SEC24A: variants seen among roughly 807,000 people sequenced by gnomAD.
SEC24A encodes the protein SEC24 homolog A, COPII component.
A neutral mutation model predicts 129.4 loss-of-function variants in SEC24A; 93 were observed. The observed-to-expected ratio is 0.72, with a 90% confidence interval of 0.61 to 0.85. The LOEUF (loss-of-function observed/expected upper bound fraction) is 0.85, where lower values mean the gene tolerates loss of function less well. Among genes scored for constraint, SEC24A ranks in the 40% least tolerant of loss-of-function variants. The probability of loss-of-function intolerance (pLI) is 0.00; values close to 1 mark genes in which losing one functional copy is unlikely to be tolerated. For synonymous variants in SEC24A, 460 were observed against 467.3 expected (o/e 0.98, Z 0.20); for missense variants, 1,264 against 1,307.4 (o/e 0.97, Z 0.51).
At chr5:134,700,007 C>G (rs1751954648) in intron 15 of SEC24A, among the ~76,000 whole-genome samples, 1 of 151,226 alleles carries the variant, frequency 6.6e-6, no homozygotes, top group African/African-American at 2.4e-5. Flanking sequence ...AGCCTGTACT[C>G]TTATTTTTAG....
In SEC24A at chr5:134,692,585, T is replaced by C. The variant is rs779644072; in HGVS notation, c.1724-17T>C. 4 of 1,148,490 alleles carry C rather than the reference T, an allele frequency of 3.5e-6. No individual in the cohort carries two copies. The highest frequency in any genetic ancestry group is 4.7e-5 in the East Asian group (2 of 42,652). 71.1% of individuals were successfully genotyped at this position (1,148,490 alleles called of 1,614,324 possible). A position where few individuals can be genotyped will look rare whatever the true frequency, so the allele number is the denominator to read the frequency against. On this transcript the variant is annotated splice_polypyrimidine_tract_variant and intron_variant, in intron 11 of 22. Transcript: ENST00000398844. ...TATTACATTTTGTTTAAAATAAATA[T>C]GTATTTCTTCTTTCAGATGTTTTTA...
At chr5:134,663,160 A>G (rs1020868012) in intron 2 of SEC24A, among the ~76,000 whole-genome samples, 15 of 152,126 alleles carry the variant, frequency 9.9e-5, no homozygotes, top group South Asian at 8.3e-4. Context: ...TCCTAGTGTC[A>G]TCAAACTGCT....
At chr5:134,720,030 G>C (rs1004063867) in intron 20 of SEC24A, among the ~76,000 whole-genome samples, 4 of 152,280 alleles carry the variant, frequency 2.6e-5, no homozygotes, top group African/African-American at 9.6e-5. Context: ...AGTAAACTAC[G>C]ATTAATTATT....
At chr5:134,720,092 T>C (rs1376344827) in intron 20 of SEC24A, among the ~76,000 whole-genome samples, 1 of 152,254 alleles carries the variant, frequency 6.6e-6, no homozygotes, top group Admixed American at 6.5e-5. Context: ...TGTACAGTGT[T>C]TGTAAAGTTT....
intron 18 of SEC24A, among the ~76,000 whole-genome samples, chr5:134,709,826 G>C (rs968180718): frequency 4.0e-5 from 6 of 151,556 alleles, no homozygotes; most frequent in Admixed American, 6.6e-5. Flanking sequence ...AAAAAGAAGA[G>C]ACCATACATG....
In SEC24A at chr5:134,700,743, A is replaced by C. The variant is rs1434322240; in HGVS notation, c.2266+2686A>C. ...ACTTTATTTTTTTTTTTCTGAGACC[A>C]CATCTTGCTCTTTTGTCCAGGCTGG... On this transcript the variant is annotated intron_variant, in intron 15 of 22. Coordinates refer to ENST00000398844, the MANE Select transcript of SEC24A (RefSeq NM_021982.3). Among the ~76,000 whole-genome samples the C allele has an allele frequency of 2.0e-5, 3 of 150,116 alleles. No individual in the cohort carries two copies. The East Asian group carries it at 5.8e-4, about 29-fold the overall frequency.
intron 14 of SEC24A, 130 bp downstream of exon 14, chr5:134,697,376 A>G (rs1375820334): frequency 1.4e-6 from 1 of 731,644 alleles, no homozygotes; most frequent in African/African-American, 1.7e-5. Flanking sequence ...CAGTCAGTTT[A>G]GTCTATTAAA....
At chr5:134,709,612 TG>T (rs1459908795) in intron 18 of SEC24A, among the ~76,000 whole-genome samples, 1 of 152,058 alleles carries the variant, frequency 6.6e-6, no homozygotes, top group Non-Finnish European at 1.5e-5. Flanking sequence ...AGAGGCTGGG[TG>T]GTGGGGCAGG....
At chr5:134,720,869 T>C (rs1316075709) in intron 20 of SEC24A, 129 bp from the exon 21 acceptor site, 2 of 529,060 alleles carry the variant, frequency 3.8e-6, no homozygotes, top group East Asian at 3.4e-5. Context: ...ACCACTGCAC[T>C]CCAGCCTGGG....
chr5:134,697,949 C>A lies in SEC24A; in HGVS notation c.2158C>A (p.His720Asn). The part of the protein sequence containing the change: ...AGSVYYYPSY[H>N]HQHNPVQVQK... ...TAGTGTCTATTACTATCCCTCTTAC[C>A]ATCATCAGCACAACCCAGTCCAAGT... The change falls in exon 15 of 23, where the codon CAT (histidine) becomes AAT (asparagine). Residue 720 changes from histidine (H) to asparagine (N), a missense_variant. Transcript: ENST00000398844. The A allele has an allele frequency of 6.2e-7, 1 of 1,613,772 alleles. No individual in the cohort carries two copies.
rs187791429 is a variant in SEC24A, at chr5:134,671,750, C to G, written c.740-59C>G. 31 of 1,043,784 alleles carry G rather than the reference C, an allele frequency of 3.0e-5. No homozygotes were observed. The African/African-American group carries it at 4.4e-4, about 15-fold the overall frequency. 64.7% of individuals were successfully genotyped at this position (1,043,784 alleles called of 1,614,324 possible). Reference sequence around the variant, plus strand: ...TAAAATTTTGGATATTAGTTAAAATCATACAGAGATTGTAATAATCATTCT... The same window carrying G: ...TAAAATTTTGGATATTAGTTAAAATGATACAGAGATTGTAATAATCATTCT... On this transcript the variant is annotated intron_variant, in intron 3 of 22. Transcript: ENST00000398844.
chr5:134,718,257 C>A, intron 20 of SEC24A, 84 bp downstream of exon 20: 1 of 938,568 alleles, frequency 1.1e-6, no homozygotes, highest in Non-Finnish European at 1.7e-6. Context: ...CCTTTAATAT[C>A]TCTCTTCCTG....
Position 134,724,974 on chromosome 5 carries a change from C to T in SEC24A, c.3168-6C>T. 4 of 1,542,394 alleles carry T rather than the reference C, an allele frequency of 2.6e-6. No homozygotes were observed. The highest frequency in any genetic ancestry group is 3.6e-6 in the Non-Finnish European group (4 of 1,118,592). On this transcript the variant is annotated splice_polypyrimidine_tract_variant and splice_region_variant and intron_variant, in intron 22 of 22. Coordinates refer to ENST00000398844, the MANE Select transcript of SEC24A (RefSeq NM_021982.3). ...TATCTAAATTTTTTTGCCTTTTATT[C>T]CTAAGGGATGAGAGTCCAATGAAAG...
intron 1 of SEC24A, among the ~76,000 whole-genome samples, chr5:134,657,126 G>A (rs546068432): frequency 2.0e-5 from 3 of 151,464 alleles, no homozygotes; most frequent in South Asian, 2.1e-4. Context: ...TCGAGGCTGC[G>A]GTGAGCTGTG....
Position 134,676,038 on chromosome 5 carries a change from G to A in SEC24A, c.1167G>A (p.Thr389=), listed in dbSNP as rs548510950. The change falls in exon 7 of 23, where the codon ACG becomes ACA. Residue 389 remains threonine (T), a synonymous_variant. Transcript: ENST00000398844. ...TTTGATATAGGTTATTTCGATGCAC[G>A]CTGACTAGCATTCCTCAGACGCAGG... ...LNCNPELFRC[T]LTSIPQTQAL... The A allele has an allele frequency of 5.2e-5, 84 of 1,607,964 alleles. 1 individual carries two copies. Among genetic ancestry groups the A allele is most frequent in the Middle Eastern group, 3.3e-4 (2 of 6,034 alleles).
intron 19 of SEC24A, 147 bp from the exon 20 acceptor site, chr5:134,717,922 A>G: frequency 3.4e-6 from 2 of 589,772 alleles, no homozygotes; most frequent in Admixed American, 2.9e-5. Flanking sequence ...TCTCAAATAA[A>G]TAAATAAATA....
rs776754776 is a variant in SEC24A at position 134,727,485 on chromosome 5, A to G, written c.*2391A>G. On this transcript the variant is annotated 3_prime_UTR_variant, in exon 23 of 23. Transcript: ENST00000398844. ...TTTGCATATATTTTCACTGTTTTTA[A>G]TTTAATGTATTGAGTCTAATAGACT... 6.6e-6 allele frequency: 1 copy of G among 152,578 alleles called. No individual in the cohort carries two copies. Among genetic ancestry groups the G allele is most frequent in the Non-Finnish European group, 1.5e-5 (1 of 68,010 alleles). 9.5% of individuals were successfully genotyped at this position (152,578 alleles called of 1,614,324 possible).
Position 134,682,403 on chromosome 5 carries a change from C to T in SEC24A, c.1412C>T (p.Thr471Ile). 6.2e-7 allele frequency: 1 copy of T among 1,605,052 alleles called. No homozygotes were observed. The highest frequency in any genetic ancestry group is 8.5e-7 in the Non-Finnish European group (1 of 1,172,208). The change falls in exon 9 of 23, where the codon ACC becomes ATC. Residue 471 changes from threonine (T) to isoleucine (I), a missense_variant. Physicochemically the swap from Thr to Ile is moderately conservative, Grantham distance 89. Coordinates refer to ENST00000398844, the MANE Select transcript of SEC24A (RefSeq NM_021982.3). ...GAAGAATTCTTGTACAACCCTTTGA[C>T]CAGAGTTTATGGAGAACCTCACAGA... ...VPEEFLYNPL[T>I]RVYGEPHRRP...
chr5:134,683,260 C>T (rs1174517022), intron 9 of SEC24A, among the ~76,000 whole-genome samples: 2 of 152,084 alleles, frequency 1.3e-5, no homozygotes, highest in Admixed American at 1.3e-4. Context: ...ACCTTGTGAT[C>T]CTCCCACCTC....
Sources: allele counts gnomAD v4.1 joint callset (sites outside exome capture counted in the v4.1 genomes callset), GRCh38; gene constraint gnomAD v4.1.1; transcripts MANE v1.5; gene names NCBI Gene and HGNC (gene_info 2026-07-23, HGNC 2026-07-21).